The following OPCML variants were observed in gnomAD, a reference collection of about 807,000 sequenced individuals.
OPCML encodes the protein opioid-binding protein/cell adhesion molecule.
Under a neutral mutation model 37.8 loss-of-function variants are expected in OPCML, and 13 were observed. The observed-to-expected ratio is 0.34, with a 90% CI of 0.22 to 0.55. OPCML has a LOEUF of 0.55. OPCML is among the 20% of genes least tolerant of loss of function. OPCML has a pLI of 0.91. For synonymous variants in OPCML, 176 were observed against 168.8 expected (o/e 1.04, Z -0.33); for missense variants, 341 against 435.6 (o/e 0.78, Z 1.93).
chr11:133,454,381 G>C (rs1946634320), intron 1 of OPCML, among the ~76,000 whole-genome samples: 1 of 152,178 alleles, frequency 6.6e-6, no homozygotes, highest in South Asian at 2.1e-4. Flanking sequence ...CTGCCCTGAA[G>C]GGGTTCAAAG....
intron 1 of OPCML, among the ~76,000 whole-genome samples, chr11:133,161,823 A>G (rs1438427978): frequency 6.6e-6 from 1 of 152,142 alleles, no homozygotes; most frequent in South Asian, 2.1e-4. Context: ...AAGTATATGA[A>G]TAATATTTTG....
At chr11:132,876,816 A>C (rs1186630578) in intron 2 of OPCML, among the ~76,000 whole-genome samples, 1 of 152,150 alleles carries the variant, frequency 6.6e-6, no homozygotes, top group Non-Finnish European at 1.5e-5. Context: ...TCAGGGAAGG[A>C]GTTGCCGTAT....
intron 1 of OPCML, chr11:133,007,618 G>A (rs1947136967): frequency 1.0e-6 from 1 of 985,294 alleles, no homozygotes; most frequent in Non-Finnish European, 1.2e-6. Flanking sequence ...GGATGCACAT[G>A]CTTATTTTTA....
chr11:133,290,665 G>A (rs139583709), intron 1 of OPCML, among the ~76,000 whole-genome samples: 2 of 152,290 alleles, frequency 1.3e-5, no homozygotes, highest in Non-Finnish European at 2.9e-5. Context: ...AACAGAAGGA[G>A]GAGAGCAAAA....
intron 2 of OPCML, among the ~76,000 whole-genome samples, chr11:132,822,285 C>G (rs1940042965): frequency 6.6e-6 from 1 of 152,052 alleles, no homozygotes; most frequent in Admixed American, 6.6e-5. Flanking sequence ...CACCGCTTGC[C>G]AGAGTCATCA....
At chr11:133,420,287 T>C (rs976653597) in intron 1 of OPCML, 2 of 985,472 alleles carry the variant, frequency 2.0e-6, no homozygotes, top group Non-Finnish European at 2.4e-6. Flanking sequence ...CTGAACGTCT[T>C]TGGCACGAAG....
intron 2 of OPCML, among the ~76,000 whole-genome samples, chr11:132,696,092 T>C (rs1244937619): frequency 1.3e-5 from 2 of 152,170 alleles, no homozygotes; most frequent in Non-Finnish European, 2.9e-5. Flanking sequence ...ACAAATGGTT[T>C]CTTTTAAAAA....
chr11:132,773,781 G>A (rs556085706), intron 2 of OPCML, among the ~76,000 whole-genome samples: 1 of 152,168 alleles, frequency 6.6e-6, no homozygotes, highest in Admixed American at 6.5e-5. Flanking sequence ...AGCCTCCTCT[G>A]GCTGTATAAT....
intron 4 of OPCML, among the ~76,000 whole-genome samples, chr11:132,508,740 T>C (rs1337113217): frequency 6.6e-6 from 1 of 152,200 alleles, no homozygotes; most frequent in Non-Finnish European, 1.5e-5. Context: ...AGAAGTGCCT[T>C]TGCCTCCCAC....
At chr11:132,492,500 T>C (rs570104204) in intron 4 of OPCML, among the ~76,000 whole-genome samples, 3 of 152,018 alleles carry the variant, frequency 2.0e-5, no homozygotes, top group Non-Finnish European at 4.4e-5. Flanking sequence ...GAATGGAGTG[T>C]TGTTGTTGTC....
At chr11:132,480,247 T>C (rs561514174) in intron 4 of OPCML, among the ~76,000 whole-genome samples, 11 of 152,172 alleles carry the variant, frequency 7.2e-5, no homozygotes, top group African/African-American at 2.6e-4. Flanking sequence ...GCCGATGCAA[T>C]CAACTGGTAG....
Position 132,475,049 on chromosome 11 carries a change from C to A in OPCML, c.506-37690G>T, listed in dbSNP as rs369841184. On this transcript the variant is annotated intron_variant, in intron 4 of 7. Coordinates refer to ENST00000524381, the MANE Select transcript of OPCML (RefSeq NM_001012393.5). Reference sequence around the variant, plus strand: ...ATTTCACCAGCCCTAGGTTTCTGTGCTTTCTTCTTCCCTTCTCTCCACCAG... The same window carrying A: ...ATTTCACCAGCCCTAGGTTTCTGTGATTTCTTCTTCCCTTCTCTCCACCAG... Among the ~76,000 whole-genome samples the A allele has an allele frequency of 2.6e-4, 39 of 152,300 alleles. No individual in the cohort carries two copies. The South Asian group carries it at 6.8e-3, about 27-fold the overall frequency.
chr11:133,003,563 T>C (rs897043154), intron 1 of OPCML, among the ~76,000 whole-genome samples: 4 of 152,192 alleles, frequency 2.6e-5, no homozygotes, highest in African/African-American at 9.7e-5. Context: ...CTTTTTGTTA[T>C]AAACATTCGC....
intron 2 of OPCML, among the ~76,000 whole-genome samples, chr11:132,777,649 A>G (rs563161430): frequency 6.6e-6 from 1 of 152,302 alleles, no homozygotes; most frequent in East Asian, 1.9e-4. Context: ...TCCCTTTAAA[A>G]TTCAGCGCCA....
chr11:132,694,690 C>T (rs909926067), intron 2 of OPCML, among the ~76,000 whole-genome samples: 4 of 152,202 alleles, frequency 2.6e-5, no homozygotes, highest in Non-Finnish European at 5.9e-5. Flanking sequence ...ATAGATAAAA[C>T]ACATCTTTCT....
intron 4 of OPCML, among the ~76,000 whole-genome samples, chr11:132,511,059 T>C (rs1196264838): frequency 2.6e-5 from 4 of 152,192 alleles, no homozygotes. Flanking sequence ...ACATATCATT[T>C]ATGTAAAAAA....
At chr11:132,946,751 G>C (rs959499860) in intron 1 of OPCML, among the ~76,000 whole-genome samples, 1 of 152,166 alleles carries the variant, frequency 6.6e-6, no homozygotes, top group African/African-American at 2.4e-5. Flanking sequence ...AGAGAGGAGA[G>C]GCTGGGGGCT....
intron 1 of OPCML, among the ~76,000 whole-genome samples, chr11:132,979,010 CTTCTT>C (rs1285129184): frequency 3.9e-5 from 6 of 152,162 alleles, no homozygotes; most frequent in African/African-American, 1.4e-4. Context: ...ATGTCAACTT[CTTCTT>C]TTCATTTATT....
chr11:133,105,312 G>A (rs1298543852), intron 1 of OPCML, among the ~76,000 whole-genome samples: 1 of 152,104 alleles, frequency 6.6e-6, no homozygotes, highest in African/African-American at 2.4e-5. Flanking sequence ...AGTTGCTGAG[G>A]GCTTCATTAA....
Sources: gnomAD v4.1 joint callset for allele counts (sites outside exome capture counted in the v4.1 genomes callset) on GRCh38, gnomAD v4.1.1 for gene constraint, MANE v1.5 for transcripts, NCBI Gene and HGNC (gene_info 2026-07-23, HGNC 2026-07-21) for gene names.